The following SPHKAP variants were observed in gnomAD, a reference collection of about 807,000 sequenced individuals.
SPHKAP encodes A-kinase anchor protein SPHKAP.
Under a neutral mutation model 137.5 loss-of-function variants are expected in SPHKAP, and 67 were observed. The observed-to-expected ratio is 0.49, with a 90% CI of 0.40 to 0.60. The LOEUF (loss-of-function observed/expected upper bound fraction) is 0.60, where lower values mean the gene tolerates loss of function less well. Among genes scored for constraint, SPHKAP ranks in the 20% least tolerant of loss-of-function variants. The pLI, the probability that SPHKAP is intolerant of heterozygous loss-of-function variation, is 0.00. For missense variants in SPHKAP, 2,097 were observed against 2,069.3 expected, an observed-to-expected ratio of 1.01 and a Z score of -0.26; for synonymous variants, 813 against 785.3, an observed-to-expected ratio of 1.04 and a Z score of -0.59.
chr2:228,131,920 C>T, intron 2 of SPHKAP, 60 bp downstream of exon 2: 9 of 1,566,622 alleles, frequency 5.7e-6, no homozygotes, highest in Non-Finnish European at 7.9e-6. Context: ...CTTAAAATTT[C>T]GAATTAAATG....
In SPHKAP at chr2:228,019,939, T is replaced by G; in HGVS notation, c.915A>C (p.Pro305=). The G allele has an allele frequency of 6.2e-7, 1 of 1,614,268 alleles. No homozygotes were observed. Among genetic ancestry groups the G allele is most frequent in the South Asian group, 1.1e-5 (1 of 91,086 alleles). The change falls in exon 7 of 12, where the codon CCA becomes CCC. Residue 305 remains proline (P), a synonymous_variant. Coordinates refer to ENST00000392056, the MANE Select transcript of SPHKAP (RefSeq NM_001142644.2). ...ALQSLDPSAK[P]SQWKREAVGN... is the part of the protein sequence containing the mutation. Reference sequence around the variant, plus strand: ...CCACAGCTTCTCTTTTCCACTGTGATGGCTTGGCTGAGGGATCTAGACTCT... The same window carrying G: ...CCACAGCTTCTCTTTTCCACTGTGAGGGCTTGGCTGAGGGATCTAGACTCT...
Position 228,017,313 on chromosome 2 carries a change from G to T in SPHKAP, c.3541C>A (p.Pro1181Thr), listed in dbSNP as rs1694644044. 6.2e-7 allele frequency: 1 copy of T among 1,613,776 alleles called. No homozygotes were observed. Among genetic ancestry groups the T allele is most frequent in the Non-Finnish European group, 8.5e-7 (1 of 1,179,966 alleles). The stretch of plus-strand genomic sequence containing the variant: ...CTCTCTGTGCTGGACTGCTTAGAGG[G>T]ACAGCTAGGCCTCACACTGAGGTGG... ...SDHLSVRPSC[P>T]SKQSSTESIT... The change falls in exon 7 of 12, where the codon CCC becomes ACC. Residue 1181 changes from proline (P) to threonine (T), a missense_variant. Pro to Thr is a conservative substitution (Grantham distance 38). Coordinates refer to ENST00000392056, the MANE Select transcript of SPHKAP (RefSeq NM_001142644.2).
At chr2:228,135,274 CA>C (rs11435994) in intron 1 of SPHKAP, among the ~76,000 whole-genome samples, 95 of 95,418 alleles carry the variant, frequency 1.0e-3, no homozygotes, top group South Asian at 5.1e-3. Context: ...AACTCTGTCT[CA>C]AAAAAAAAAA....
intron 11 of SPHKAP, among the ~76,000 whole-genome samples, chr2:227,989,754 T>G (rs1001668657): frequency 4.7e-5 from 7 of 149,810 alleles, no homozygotes; most frequent in African/African-American, 1.7e-4. Flanking sequence ...TACAGGTGCC[T>G]GCCACCATGC....
intron 7 of SPHKAP, among the ~76,000 whole-genome samples, chr2:228,001,415 A>G (rs1481050824): frequency 2.8e-5 from 4 of 141,902 alleles, no homozygotes; most frequent in Non-Finnish European, 6.1e-5. Flanking sequence ...ATAAATATAT[A>G]TAAATATATA....
intron 7 of SPHKAP, among the ~76,000 whole-genome samples, chr2:228,006,767 C>T (rs1214251314): frequency 6.6e-6 from 1 of 152,170 alleles, no homozygotes; most frequent in Non-Finnish European, 1.5e-5. Flanking sequence ...CAGTCAGGAC[C>T]CTCAGCTGCA....
At chr2:228,052,828 A>G (rs1696306086) in intron 3 of SPHKAP, among the ~76,000 whole-genome samples, 1 of 152,038 alleles carries the variant, frequency 6.6e-6, no homozygotes, top group Non-Finnish European at 1.5e-5. Context: ...ATACATTTAT[A>G]TTTAAGAATG....
rs77824853 is a variant in SPHKAP, at chr2:228,019,867, T to G, written c.987A>C (p.Lys329Asn). The change falls in exon 7 of 12, where the codon AAA becomes AAC. Residue 329 changes from lysine (K) to asparagine (N), a missense_variant. Lys to Asn is a moderately conservative substitution (Grantham distance 94, BLOSUM62 0). Coordinates refer to ENST00000392056, the MANE Select transcript of SPHKAP (RefSeq NM_001142644.2). ...GTGCCTGTGATTTTTCCATTTGACC[T>G]TTAAAAGCTTCTGAATGATAATAAT... ...ATHYYHSEAF[K>N]GQMEKSQALY... The G allele has an allele frequency of 1.7e-5, 28 of 1,614,206 alleles. No homozygotes were observed. Among genetic ancestry groups the G allele is most frequent in the Non-Finnish European group, 2.2e-5 (26 of 1,180,020 alleles).
chr2:228,047,202 A>G (rs1389707283), intron 3 of SPHKAP, among the ~76,000 whole-genome samples: 2 of 152,192 alleles, frequency 1.3e-5, no homozygotes, highest in Admixed American at 1.3e-4. Flanking sequence ...GCAGTGGCTA[A>G]TGCCTGTAAT....
At chr2:228,174,987 G>C (rs1481117922) in intron 1 of SPHKAP, among the ~76,000 whole-genome samples, 2 of 134,196 alleles carry the variant, frequency 1.5e-5, no homozygotes, top group Admixed American at 7.7e-5. Context: ...TGAGCTTAAA[G>C]ATAGGTCAAT....
At chr2:228,147,208 G>A (rs1442673072) in intron 1 of SPHKAP, among the ~76,000 whole-genome samples, 1 of 152,092 alleles carries the variant, frequency 6.6e-6, no homozygotes, top group African/African-American at 2.4e-5. Flanking sequence ...AAGATCTTGT[G>A]ATTTATCTTT....
chr2:228,133,318 T>TAAAC (rs1699322665), intron 1 of SPHKAP, among the ~76,000 whole-genome samples: 1 of 42,376 alleles, frequency 2.4e-5, no homozygotes, highest in Admixed American at 4.4e-4. Flanking sequence ...AATAAATAAA[T>TAAAC]AAATAAATAA....
At chr2:227,993,753 C>G in intron 8 of SPHKAP, 133 bp from the exon 9 acceptor site, 1 of 733,646 alleles carries the variant, frequency 1.4e-6, no homozygotes, top group Admixed American at 2.4e-5. Flanking sequence ...TAGGACACCT[C>G]AATTCATATT....
At chr2:228,091,284 T>C (rs1218059837) in intron 3 of SPHKAP, among the ~76,000 whole-genome samples, 1 of 152,164 alleles carries the variant, frequency 6.6e-6, no homozygotes, top group Non-Finnish European at 1.5e-5. Flanking sequence ...GATTAAAGAC[T>C]TAAAACTAAG....
intron 3 of SPHKAP, among the ~76,000 whole-genome samples, chr2:228,102,663 T>C (rs1231861278): frequency 6.6e-6 from 1 of 152,230 alleles, no homozygotes; most frequent in Non-Finnish European, 1.5e-5. Context: ...GAATATACTC[T>C]AAATTAATGC....
chr2:228,056,084 T>C (rs576702328), intron 3 of SPHKAP, among the ~76,000 whole-genome samples: 138 of 152,356 alleles, frequency 9.1e-4, no homozygotes, highest in African/African-American at 3.2e-3. Context: ...TCTTAAGTGC[T>C]ATGCCCTCAA....
rs1695258959 is a variant in SPHKAP at position 228,030,529 on chromosome 2, A to AAC, written c.247-2987_247-2986insGT. ...ATACCATCTCAAAAAAAAAAAAAAA[A>AAC]AAACAACAAAAAACAAAAAAAAAAA... On this transcript the variant is annotated intron_variant, in intron 3 of 11. Coordinates refer to ENST00000392056, the MANE Select transcript of SPHKAP (RefSeq NM_001142644.2). Among the ~76,000 whole-genome samples, 6 of 71,592 alleles carry AAC rather than the reference A, an allele frequency of 8.4e-5. No individual in the cohort carries two copies. The South Asian group carries it at 3.1e-3, about 37-fold the overall frequency. 47.0% of individuals were successfully genotyped at this position (71,592 alleles called of 152,430 possible).
intron 3 of SPHKAP, among the ~76,000 whole-genome samples, chr2:228,105,769 G>T (rs946683955): frequency 3.7e-4 from 56 of 152,010 alleles, no homozygotes; most frequent in Non-Finnish European, 6.5e-4. Context: ...ATTTTCTCTT[G>T]CCTGCCACCA....
At chr2:228,164,910 A>G (rs1295507219) in intron 1 of SPHKAP, among the ~76,000 whole-genome samples, 1 of 152,184 alleles carries the variant, frequency 6.6e-6, no homozygotes, top group Non-Finnish European at 1.5e-5. Context: ...CTTGGCGCAC[A>G]CATGTCAATT....
Sources: allele counts gnomAD v4.1 joint callset (sites outside exome capture counted in the v4.1 genomes callset), GRCh38; gene constraint gnomAD v4.1.1; transcripts MANE v1.5; gene names NCBI Gene and HGNC (gene_info 2026-07-23, HGNC 2026-07-21).